Variants in TMEM192 observed in about 807,000 individuals in gnomAD.
TMEM192 encodes transmembrane protein 192.
TMEM192 carries 20 observed loss-of-function variants against 26.7 expected under a neutral mutation model. That is an observed-to-expected ratio of 0.75 (90% confidence interval 0.53 to 1.09). TMEM192 has a LOEUF of 1.09. Ranked by LOEUF, TMEM192 falls within the 50% of genes least tolerant of loss-of-function variation. The probability of loss-of-function intolerance (pLI) is 0.00; values close to 1 mark genes in which losing one functional copy is unlikely to be tolerated. For missense variants in TMEM192, 304 were observed against 322.6 expected (o/e 0.94, Z 0.44); for synonymous variants, 124 against 121.0 (o/e 1.02, Z -0.16).
intron 4 of TMEM192, among the ~76,000 whole-genome samples, chr4:165,087,639 A>G (rs999267776): frequency 6.6e-6 from 1 of 152,062 alleles, no homozygotes; most frequent in African/African-American, 2.4e-5. Context: ...CATTAAGCAG[A>G]TGAATATATA....
chr4:165,088,040 G>A (rs1256802462), intron 4 of TMEM192, among the ~76,000 whole-genome samples: 11 of 152,076 alleles, frequency 7.2e-5, no homozygotes, highest in Non-Finnish European at 1.5e-5. Flanking sequence ...CTCCTGAGGG[G>A]CTGGGACCAC....
At position 165,074,579 on chromosome 4, in the gene TMEM192, T is replaced by A. The variant is rs1736106133; in HGVS notation, c.*5079A>T. 1 of 152,140 alleles carries A rather than the reference T, an allele frequency of 6.6e-6. No individual in the cohort carries two copies. Among genetic ancestry groups the A allele is most frequent in the Admixed American group, 6.6e-5 (1 of 15,238 alleles). 9.4% of individuals were successfully genotyped at this position (152,140 alleles called of 1,614,324 possible). A position where few individuals can be genotyped will look rare whatever the true frequency, so the allele number is the denominator to read the frequency against. On this transcript the variant is annotated 3_prime_UTR_variant, in exon 6 of 6. Coordinates refer to ENST00000306480, the MANE Select transcript of TMEM192 (RefSeq NM_001100389.2). ...CTCCTGCCTCAGCCTCCTGAGTAGC[T>A]GGGATTACAGGTGCACTTCACTGCA...
intron 4 of TMEM192, 92 bp downstream of exon 4, chr4:165,088,376 A>C: frequency 7.6e-7 from 1 of 1,316,526 alleles, no homozygotes; most frequent in Non-Finnish European, 1.0e-6. Flanking sequence ...ATACACAGAG[A>C]ACTTCCTTGT....
rs781094116 is a variant in TMEM192, at chr4:165,100,906, G to A, written c.175-14C>T. 19 of 1,592,790 alleles carry A rather than the reference G, an allele frequency of 1.2e-5. No individual in the cohort carries two copies. The highest frequency in any genetic ancestry group is 1.6e-5 in the Non-Finnish European group (19 of 1,171,440). ...AACAAACACGAGCTGGGGGAAAGGA[G>A]AGCAGAAAGATTAATATTCAATATT... On this transcript the variant is annotated splice_polypyrimidine_tract_variant and intron_variant, in intron 2 of 5. Coordinates refer to ENST00000306480, the MANE Select transcript of TMEM192 (RefSeq NM_001100389.2).
At chr4:165,105,775 T>C (rs1442197135) in intron 1 of TMEM192, among the ~76,000 whole-genome samples, 1 of 152,242 alleles carries the variant, frequency 6.6e-6, no homozygotes, top group Non-Finnish European at 1.5e-5. Flanking sequence ...ATTACAGGTG[T>C]GAGCCACCAC....
chr4:165,105,827 G>T (rs1485840982), intron 1 of TMEM192, among the ~76,000 whole-genome samples: 8 of 152,120 alleles, frequency 5.3e-5, no homozygotes, highest in Non-Finnish European at 1.2e-4. Flanking sequence ...CTTGCACCCC[G>T]CTATGGTCTA....
In TMEM192 at chr4:165,088,450, G is replaced by C. The variant is rs1323032036; in HGVS notation, c.574+18C>G. On this transcript the variant is annotated intron_variant, in intron 4 of 5. Coordinates refer to ENST00000306480, the MANE Select transcript of TMEM192 (RefSeq NM_001100389.2). ...CAGTTCGAAGTTCCTATAAGAACAG[G>C]CTCGTTGTAATTCTCACCTGTGTAA... 3 of 1,607,804 alleles carry C rather than the reference G, an allele frequency of 1.9e-6. No individual in the cohort carries two copies. The African/African-American group carries it at 4.0e-5, about 22-fold the overall frequency.
At chr4:165,089,163 CT>C (rs1734696330) in intron 3 of TMEM192, among the ~76,000 whole-genome samples, 1 of 150,840 alleles carries the variant, frequency 6.6e-6, no homozygotes, top group Non-Finnish European at 1.5e-5. Context: ...AAAGTATGAT[CT>C]ACTGGGAATA....
chr4:165,100,637 G>C lies in TMEM192; in HGVS notation c.430C>G (p.Gln144Glu). ...RHLKRLALMI[Q>E]SSGNTVLLLI... The stretch of plus-strand genomic sequence containing the variant: ...AGAAAATTGGACATACCAGAGGACT[G>C]TATCATCAACGCAAGTCTCTTGAGA... The change falls in exon 3 of 6, where the codon CAG (glutamine) becomes GAG (glutamate). Residue 144 changes from glutamine to glutamate, a missense_variant. Gln to Glu is a conservative substitution (Grantham distance 29, BLOSUM62 2). Transcript: ENST00000306480. 2 of 1,614,110 alleles carry C rather than the reference G, an allele frequency of 1.2e-6. No homozygotes were observed. The highest frequency in any genetic ancestry group is 1.7e-6 in the Non-Finnish European group (2 of 1,180,004).
chr4:165,112,660 T>C (rs1185261913), intron 1 of TMEM192, 87 bp downstream of exon 1: 2 of 1,566,562 alleles, frequency 1.3e-6, no homozygotes, highest in Non-Finnish European at 1.7e-6. Context: ...CAAGGGTGGC[T>C]TCCCTCTCTG....
rs1734275933 is a variant in TMEM192, at chr4:165,071,754, G to GGCGGT, written c.*7903_*7904insACCGC. ...GTACACAAAGGAAGAGTAGGAGAGA[G>GGCGGT]GAGGTGGGGTGGGGTGGGAAGTGGA... On this transcript the variant is annotated 3_prime_UTR_variant, in exon 6 of 6. Coordinates refer to ENST00000306480, the MANE Select transcript of TMEM192 (RefSeq NM_001100389.2). 6.6e-6 allele frequency: 1 copy of GGCGGT among 151,560 alleles called. No individual in the cohort carries two copies. Among genetic ancestry groups the GGCGGT allele is most frequent in the African/African-American group, 2.4e-5 (1 of 40,878 alleles). 9.4% of individuals were successfully genotyped at this position (151,560 alleles called of 1,614,324 possible). A position where few individuals can be genotyped will look rare whatever the true frequency, so the allele number is the denominator to read the frequency against.
chr4:165,075,187 C>T lies in TMEM192; in HGVS notation c.*4471G>A, dbSNP rs1734346719. 6.6e-6 allele frequency: 1 copy of T among 151,932 alleles called. No individual in the cohort carries two copies. Among genetic ancestry groups the T allele is most frequent in the South Asian group, 2.1e-4 (1 of 4,814 alleles). The allele number at this position is 151,932 out of a possible 1,614,324, so 9.4% of individuals were successfully genotyped here. A position where few individuals can be genotyped will look rare whatever the true frequency, so the allele number is the denominator to read the frequency against. On this transcript the variant is annotated 3_prime_UTR_variant, in exon 6 of 6. Coordinates refer to ENST00000306480, the MANE Select transcript of TMEM192 (RefSeq NM_001100389.2). ...CTGAGGTAAGGAATTCAAGATCAGC[C>T]TGGCCAACATGGTGAATCCCCGTCT...
intron 3 of TMEM192, among the ~76,000 whole-genome samples, chr4:165,093,098 T>TTC (rs1168706707): frequency 4.9e-4 from 3 of 6,096 alleles, no homozygotes; most frequent in African/African-American, 6.4e-4. Flanking sequence ...TTTTTTCTTC[T>TTC]TTTTTTTTTT....
chr4:165,106,708 G>A (rs1327541195), intron 1 of TMEM192, among the ~76,000 whole-genome samples: 2 of 152,166 alleles, frequency 1.3e-5, no homozygotes, highest in Non-Finnish European at 2.9e-5. Flanking sequence ...AGCTTGCCTG[G>A]GGCTCTCAGG....
intron 1 of TMEM192, among the ~76,000 whole-genome samples, chr4:165,110,332 C>G (rs575624854): frequency 1.3e-5 from 2 of 152,306 alleles, no homozygotes; most frequent in Non-Finnish European, 2.9e-5. Flanking sequence ...TTAGTGGAAC[C>G]ATCCTTCAAT....
intron 3 of TMEM192, among the ~76,000 whole-genome samples, chr4:165,091,760 G>A (rs1014020845): frequency 6.6e-6 from 1 of 152,134 alleles, no homozygotes; most frequent in Non-Finnish European, 1.5e-5. Context: ...AAAAACTTAG[G>A]AATGATTTTT....
In TMEM192 at chr4:165,103,215, T is replaced by C. The variant is rs374535649; in HGVS notation, c.28-119A>G. On this transcript the variant is annotated intron_variant, in intron 1 of 5. Transcript: ENST00000306480. ...TACAAATTAAAGGCAAGAGAACACA[T>C]TGCCTACCTGAATCCAATTTTTTAA... 10 of 777,720 alleles carry C rather than the reference T, an allele frequency of 1.3e-5. 1 individual carries two copies. The East Asian group carries it at 1.3e-4, about 10-fold the overall frequency. The allele number at this position is 777,720 out of a possible 1,614,324, so 48.2% of individuals were successfully genotyped here. A position where few individuals can be genotyped will look rare whatever the true frequency, so the allele number is the denominator to read the frequency against.
At chr4:165,106,942 A>G (rs948384490) in intron 1 of TMEM192, among the ~76,000 whole-genome samples, 3 of 152,094 alleles carry the variant, frequency 2.0e-5, no homozygotes, top group African/African-American at 4.8e-5. Context: ...TACGATCCCC[A>G]AATCCTCAGG....
chr4:165,086,193 T>C (rs1283462809), intron 4 of TMEM192, among the ~76,000 whole-genome samples: 1 of 151,842 alleles, frequency 6.6e-6, no homozygotes, highest in Non-Finnish European at 1.5e-5. Context: ...CAACAGGAGG[T>C]ATCAGAGAGG....
Sources: allele counts gnomAD v4.1 joint callset (sites outside exome capture counted in the v4.1 genomes callset), GRCh38; gene constraint gnomAD v4.1.1; transcripts MANE v1.5; gene names NCBI Gene and HGNC (gene_info 2026-07-23, HGNC 2026-07-21).